Variants in METTL25 observed in about 807,000 individuals in gnomAD.
The protein encoded by METTL25 is probable methyltransferase-like protein 25.
A neutral mutation model predicts 71.6 loss-of-function variants in METTL25; 64 were observed. The observed-to-expected ratio is 0.89, with a 90% confidence interval of 0.73 to 1.10. The LOEUF (loss-of-function observed/expected upper bound fraction) is 1.10, where lower values mean the gene tolerates loss of function less well. Ranked by LOEUF, METTL25 falls within the 50% of genes least tolerant of loss-of-function variation. METTL25 has a pLI of 0.00. For missense variants in METTL25, 807 were observed against 707.0 expected (o/e 1.14, Z -1.60); for synonymous variants, 287 against 250.3 (o/e 1.15, Z -1.38).
At chr12:82,365,446 C>CA (rs1331484408) in intron 1 of METTL25, among the ~76,000 whole-genome samples, 1 of 152,038 alleles carries the variant, frequency 6.6e-6, no homozygotes, top group East Asian at 1.9e-4. Flanking sequence ...CCATCTGCAG[C>CA]AAAAAAGCCA....
chr12:82,387,132 A>G (rs532318239), intron 2 of METTL25, among the ~76,000 whole-genome samples, 165 bp downstream of exon 2: 2 of 152,260 alleles, frequency 1.3e-5, no homozygotes, highest in African/African-American at 4.8e-5. Flanking sequence ...TTCCCCTTGT[A>G]CTATATTAAA....
At chr12:82,471,300 G>C (rs1263988252) in intron 9 of METTL25, among the ~76,000 whole-genome samples, 1 of 152,174 alleles carries the variant, frequency 6.6e-6, no homozygotes, top group Non-Finnish European at 1.5e-5. Context: ...CCACTAGATG[G>C]GGCCACATTC....
Position 82,475,835 on chromosome 12 carries a change from G to T in METTL25, c.1573-809G>T, listed in dbSNP as rs576547575. Among the ~76,000 whole-genome samples the T allele has an allele frequency of 2.6e-5, 4 of 151,824 alleles. No individual in the cohort carries two copies. The South Asian group carries it at 6.2e-4, about 24-fold the overall frequency. ...GTGTTTCAGATTTCAGATTTTTTTT[G>T]AAATATTTACCTTATATACTTACCA... is the stretch of plus-strand genomic sequence containing the variant. On this transcript the variant is annotated intron_variant, in intron 9 of 11. Coordinates refer to ENST00000248306, the MANE Select transcript of METTL25 (RefSeq NM_032230.3).
intron 1 of METTL25, among the ~76,000 whole-genome samples, chr12:82,379,417 AATTT>A (rs1458146968): frequency 6.6e-6 from 1 of 152,152 alleles, no homozygotes; most frequent in African/African-American, 2.4e-5. Context: ...ATCAAATTTG[AATTT>A]ATTATTCAGA....
intron 5 of METTL25, among the ~76,000 whole-genome samples, chr12:82,404,816 C>T (rs1006564808): frequency 9.9e-5 from 15 of 152,118 alleles, no homozygotes; most frequent in African/African-American, 2.7e-4. Flanking sequence ...TGGTGGTGGA[C>T]GCCTGTAATC....
intron 6 of METTL25, among the ~76,000 whole-genome samples, chr12:82,433,967 C>T (rs1281802153): frequency 6.6e-6 from 1 of 150,940 alleles, no homozygotes; most frequent in Non-Finnish European, 1.5e-5. Context: ...TCAGAATACT[C>T]TATTCCATAT....
At chr12:82,387,008 C>T (rs750263577) in intron 2 of METTL25, 41 bp downstream of exon 2, 1 of 1,508,990 alleles carries the variant, frequency 6.6e-7, no homozygotes. Flanking sequence ...TTTTTAGGTA[C>T]TTAGAAGCAA....
intron 9 of METTL25, 187 bp from the exon 10 acceptor site, chr12:82,476,457 T>C (rs1892885201): frequency 5.5e-6 from 3 of 540,664 alleles, no homozygotes; most frequent in Non-Finnish European, 9.8e-6. Context: ...ATAACCTATA[T>C]CAGTGTAAAA....
chr12:82,422,270 C>A (rs1418397061), intron 5 of METTL25, among the ~76,000 whole-genome samples: 1 of 152,142 alleles, frequency 6.6e-6, no homozygotes, highest in African/African-American at 2.4e-5. Context: ...CGTAATCCGG[C>A]ATATAAACAG....
chr12:82,436,230 T>C (rs1416818038), intron 7 of METTL25, among the ~76,000 whole-genome samples: 1 of 151,486 alleles, frequency 6.6e-6, no homozygotes. Context: ...GTGTTCTAGT[T>C]CCCTTAATTA....
At chr12:82,361,882 C>T (rs1881976667) in intron 1 of METTL25, among the ~76,000 whole-genome samples, 1 of 152,232 alleles carries the variant, frequency 6.6e-6, no homozygotes, top group Admixed American at 6.5e-5. Flanking sequence ...CAGTGGTGGG[C>T]TGAAGGACTC....
At chr12:82,459,324 G>T (rs1391439633) in intron 9 of METTL25, among the ~76,000 whole-genome samples, 8 of 152,100 alleles carry the variant, frequency 5.3e-5, no homozygotes, top group African/African-American at 1.9e-4. Context: ...AAATGCTAAA[G>T]ATCAAAAAAT....
At chr12:82,361,557 T>C (rs537155666) in intron 1 of METTL25, among the ~76,000 whole-genome samples, 1 of 152,272 alleles carries the variant, frequency 6.6e-6, no homozygotes, top group South Asian at 2.1e-4. Context: ...TCTTGAGCCC[T>C]GCCCCGCAGG....
At chr12:82,361,304 A>G (rs774119780) in intron 1 of METTL25, among the ~76,000 whole-genome samples, 22 of 152,186 alleles carry the variant, frequency 1.4e-4, no homozygotes, top group Non-Finnish European at 2.1e-4. Context: ...TTAGCTAGAC[A>G]TAAAGTTTAT....
intron 1 of METTL25, among the ~76,000 whole-genome samples, chr12:82,361,109 G>C (rs994516367): frequency 6.6e-6 from 1 of 152,120 alleles, no homozygotes; most frequent in Non-Finnish European, 1.5e-5. Flanking sequence ...CCTGCCGATT[G>C]GTCCATTTTA....
At chr12:82,471,489 C>T (rs946481543) in intron 9 of METTL25, among the ~76,000 whole-genome samples, 1 of 152,202 alleles carries the variant, frequency 6.6e-6, no homozygotes, top group African/African-American at 2.4e-5. Context: ...CACATGAGCA[C>T]AGTGACTAGT....
rs115026044 is a variant in METTL25 at position 82,433,343 on chromosome 12, T to C, written c.1375-1352T>C. ...AAGGAGTACCATAAATGAAAACTCA[T>C]TGTTATCTTCAAGGATAAATCTGTT... On this transcript the variant is annotated intron_variant, in intron 6 of 11. Transcript: ENST00000248306. Among the ~76,000 whole-genome samples, 1,493 of 151,698 alleles carry C rather than the reference T, an allele frequency of 9.8e-3. 23 individuals carry two copies. Among genetic ancestry groups the C allele is most frequent in the African/African-American group, 0.034 (1,410 of 41,468 alleles).
At chr12:82,406,882 T>C (rs1372425885) in intron 5 of METTL25, among the ~76,000 whole-genome samples, 1 of 152,108 alleles carries the variant, frequency 6.6e-6, no homozygotes, top group Non-Finnish European at 1.5e-5. Context: ...AAGAAGTGTA[T>C]TGCAGGCAGA....
intron 1 of METTL25, among the ~76,000 whole-genome samples, chr12:82,385,459 G>A (rs1022761347): frequency 2.0e-5 from 3 of 152,028 alleles, no homozygotes; most frequent in African/African-American, 7.2e-5. Context: ...TGAACGTTTT[G>A]CATACTTCAT....
Sources: gnomAD v4.1 joint callset for allele counts (sites outside exome capture counted in the v4.1 genomes callset) on GRCh38, gnomAD v4.1.1 for gene constraint, MANE v1.5 for transcripts, NCBI Gene and HGNC (gene_info 2026-07-23, HGNC 2026-07-21) for gene names.